The following MARCHF1 variants were observed in gnomAD, a reference collection of about 807,000 sequenced individuals.
MARCHF1 encodes the protein membrane associated ring-CH-type finger 1.
MARCHF1 carries 40 observed loss-of-function variants against 54.2 expected under a neutral mutation model. The ratio of observed to expected loss-of-function variants is 0.74; its 90% confidence interval spans 0.57 to 0.96. The LOEUF (loss-of-function observed/expected upper bound fraction) is 0.96, where lower values mean the gene tolerates loss of function less well. Ranked by LOEUF, MARCHF1 falls within the 40% of genes least tolerant of loss-of-function variation. The probability of loss-of-function intolerance (pLI) is 0.00; values close to 1 mark genes in which losing one functional copy is unlikely to be tolerated. For missense variants in MARCHF1, 586 were observed against 656.5 expected (o/e 0.89, Z 1.17); for synonymous variants, 236 against 236.3 (o/e 1.00, Z 0.01).
At chr4:164,069,845 A>G (rs1754825199) in intron 2 of MARCHF1, among the ~76,000 whole-genome samples, 1 of 152,190 alleles carries the variant, frequency 6.6e-6, no homozygotes, top group African/African-American at 2.4e-5. Flanking sequence ...TTTACAATAG[A>G]GAAGACGTGG....
At chr4:163,937,896 G>A (rs932473786) in intron 3 of MARCHF1, among the ~76,000 whole-genome samples, 1 of 152,142 alleles carries the variant, frequency 6.6e-6, no homozygotes, top group African/African-American at 2.4e-5. Flanking sequence ...GAAAAATAGT[G>A]AAAGATGTGA....
intron 4 of MARCHF1, among the ~76,000 whole-genome samples, chr4:163,841,932 C>A (rs1363879425): frequency 6.6e-6 from 1 of 152,050 alleles, no homozygotes; most frequent in East Asian, 1.9e-4. Flanking sequence ...TGTGGAATCA[C>A]AAAGCTGTAC....
intron 4 of MARCHF1, among the ~76,000 whole-genome samples, chr4:163,762,304 C>G (rs752974862): frequency 6.6e-6 from 1 of 152,152 alleles, no homozygotes; most frequent in African/African-American, 2.4e-5. Flanking sequence ...ATATTTGGTT[C>G]TAACAATTGG....
At chr4:164,088,908 A>G (rs1241643936) in intron 2 of MARCHF1, among the ~76,000 whole-genome samples, 2 of 152,234 alleles carry the variant, frequency 1.3e-5, no homozygotes, top group East Asian at 1.9e-4. Context: ...GAAGAGATAC[A>G]TGCTAAAATT....
chr4:163,988,627 C>T lies in MARCHF1; in HGVS notation c.-165G>A, dbSNP rs1321678514. On this transcript the variant is annotated 5_prime_UTR_variant, in exon 3 of 10. Coordinates refer to ENST00000514618, the MANE Select transcript of MARCHF1 (RefSeq NM_001394959.1). ...TGGCAGGGCTGCAGGTGGCCAATCC[C>T]TGATTGGATGCCTTATCTCTTCACT... 1 of 152,252 alleles carries T rather than the reference C, an allele frequency of 6.6e-6. No homozygotes were observed. The highest frequency in any genetic ancestry group is 1.5e-5 in the Non-Finnish European group (1 of 68,082). 9.4% of individuals were successfully genotyped at this position (152,252 alleles called of 1,614,324 possible).
At chr4:164,291,217 C>T (rs1372052982) in intron 1 of MARCHF1, among the ~76,000 whole-genome samples, 1 of 151,870 alleles carries the variant, frequency 6.6e-6, no homozygotes, top group Admixed American at 6.6e-5. Flanking sequence ...TATAAAGCAG[C>T]ATTTTTGATT....
At chr4:163,664,584 G>A (rs929062786) in intron 5 of MARCHF1, among the ~76,000 whole-genome samples, 1 of 152,038 alleles carries the variant, frequency 6.6e-6, no homozygotes, top group Non-Finnish European at 1.5e-5. Flanking sequence ...TCTGTAAGGA[G>A]GGGATTTGAA....
intron 2 of MARCHF1, among the ~76,000 whole-genome samples, chr4:164,046,379 A>C (rs932805992): frequency 2.0e-5 from 3 of 152,250 alleles, no homozygotes; most frequent in Non-Finnish European, 4.4e-5. Flanking sequence ...AGACTCATGA[A>C]GTATTGTCTC....
At chr4:163,547,511 T>C (rs1032167966) in intron 8 of MARCHF1, among the ~76,000 whole-genome samples, 1 of 152,220 alleles carries the variant, frequency 6.6e-6, no homozygotes, top group Non-Finnish European at 1.5e-5. Flanking sequence ...TGGGAGAGTG[T>C]TCATCTTGCA....
chr4:163,871,903 C>A (rs1431983602), intron 3 of MARCHF1, among the ~76,000 whole-genome samples: 1 of 152,124 alleles, frequency 6.6e-6, no homozygotes, highest in Admixed American at 6.5e-5. Context: ...TTAATAATTT[C>A]ATGACCTATA....
intron 8 of MARCHF1, among the ~76,000 whole-genome samples, chr4:163,553,046 A>AAAAG (rs1553991317): frequency 2.0e-5 from 3 of 147,082 alleles, no homozygotes; most frequent in East Asian, 2.0e-4. Flanking sequence ...AAAAAAAAAA[A>AAAAG]AAAAAGAAGA....
intron 1 of MARCHF1, among the ~76,000 whole-genome samples, chr4:164,217,879 T>G (rs1731976884): frequency 6.6e-6 from 1 of 151,940 alleles, no homozygotes; most frequent in Admixed American, 6.6e-5. Context: ...GTAAGAAGGG[T>G]TTTTAGTGGA....
chr4:163,902,053 A>T (rs138249707), intron 3 of MARCHF1, among the ~76,000 whole-genome samples: 1 of 152,192 alleles, frequency 6.6e-6, no homozygotes, highest in South Asian at 2.1e-4. Context: ...CATTTCCCCA[A>T]ATACCTCCTC....
intron 1 of MARCHF1, among the ~76,000 whole-genome samples, chr4:164,265,850 A>G (rs1041825610): frequency 6.6e-6 from 1 of 152,104 alleles, no homozygotes; most frequent in Non-Finnish European, 1.5e-5. Context: ...GTTAAATGGC[A>G]CTGACTCGAG....
At chr4:163,607,585 T>C (rs1258220431) in intron 7 of MARCHF1, among the ~76,000 whole-genome samples, 1 of 152,066 alleles carries the variant, frequency 6.6e-6, no homozygotes, top group African/African-American at 2.4e-5. Context: ...GCTATATTGG[T>C]CTAACAATGT....
intron 9 of MARCHF1, among the ~76,000 whole-genome samples, chr4:163,538,658 C>T (rs1001703113): frequency 5.9e-5 from 9 of 152,160 alleles, no homozygotes; most frequent in Non-Finnish European, 7.3e-5. Flanking sequence ...CACTTGTTTT[C>T]GAGGGGTACG....
chr4:164,124,204 ATAATT>A (rs1756133466), intron 1 of MARCHF1, among the ~76,000 whole-genome samples: 1 of 152,134 alleles, frequency 6.6e-6, no homozygotes, highest in Non-Finnish European at 1.5e-5. Flanking sequence ...ACAATGAAAT[ATAATT>A]TAATTACAAT....
intron 2 of MARCHF1, among the ~76,000 whole-genome samples, chr4:163,996,230 T>G (rs979983642): frequency 6.6e-6 from 1 of 152,014 alleles, no homozygotes; most frequent in Non-Finnish European, 1.5e-5. Flanking sequence ...AAATGATGCT[T>G]ATGACAAATA....
At chr4:164,014,325 T>C (rs780684551) in intron 2 of MARCHF1, among the ~76,000 whole-genome samples, 2 of 152,170 alleles carry the variant, frequency 1.3e-5, no homozygotes, top group Non-Finnish European at 2.9e-5. Context: ...AGTTAAGCTG[T>C]TATCGGTTCA....
Sources: gnomAD v4.1 joint callset for allele counts (sites outside exome capture counted in the v4.1 genomes callset) on GRCh38, gnomAD v4.1.1 for gene constraint, MANE v1.5 for transcripts, NCBI Gene and HGNC (gene_info 2026-07-23, HGNC 2026-07-21) for gene names.